Variants in TEX14 observed in about 807,000 individuals in gnomAD.
TEX14 encodes testis expressed 14, intercellular bridge forming factor, also known as inactive serine/threonine-protein kinase TEX14.
In TEX14, 168 loss-of-function variants were observed where a neutral mutation model predicts 178.6. The observed-to-expected ratio is 0.94, with a 90% CI of 0.83 to 1.07. The LOEUF is 1.07. Ranked by LOEUF, TEX14 falls within the 50% of genes least tolerant of loss-of-function variation. The pLI is 0.00. For synonymous variants in TEX14, 626 were observed against 634.1 expected (o/e 0.99, Z 0.19); for missense variants, 1,730 against 1,753.6 (o/e 0.99, Z 0.24).
chr17:58,627,528 T>C (rs1214447471), intron 3 of TEX14, among the ~76,000 whole-genome samples: 2 of 152,104 alleles, frequency 1.3e-5, no homozygotes, highest in Admixed American at 1.3e-4. Context: ...CTCAGCACTT[T>C]GGAAGGCGGA....
Position 58,564,880 on chromosome 17 carries a change from C to G in TEX14, c.4053G>C (p.Glu1351Asp), listed in dbSNP as rs544420789. ...LLSKETEDLGEDTERAHSTLD... is the reference protein window; with the variant it reads ...LLSKETEDLGDDTERAHSTLD... ...GCTTTTCCTGTTACCTCTCTGTGTC[C>G]TCTCCAAGATCTTCAGTTTCTTTGG... The change falls in exon 28 of 32, where the codon GAG (glutamate) becomes GAC (aspartate). Residue 1351 changes from glutamate (E) to aspartate (D), a missense_variant. This residue lies in a region of TEX14 where 941 missense variants were observed against 1,072.4 expected (regional missense o/e 0.88). Coordinates refer to ENST00000349033, the MANE Select transcript of TEX14 (RefSeq NM_031272.5). 26 of 1,592,014 alleles carry G rather than the reference C, an allele frequency of 1.6e-5. No individual in the cohort carries two copies. The highest frequency in any genetic ancestry group is 2.2e-5 in the Non-Finnish European group (26 of 1,166,410).
chr17:58,653,914 G>C (rs1169088990), intron 1 of TEX14, among the ~76,000 whole-genome samples: 1 of 152,154 alleles, frequency 6.6e-6, no homozygotes, highest in African/African-American at 2.4e-5. Context: ...GGGCATGGTG[G>C]CTCATGCCTG....
intron 4 of TEX14, among the ~76,000 whole-genome samples, chr17:58,622,019 C>T (rs563300006): frequency 3.3e-5 from 5 of 152,294 alleles, no homozygotes; most frequent in Non-Finnish European, 7.4e-5. Context: ...AAGGCCAAGA[C>T]GAGTAAAATT....
At chr17:58,671,506 C>T (rs571838632) in intron 1 of TEX14, among the ~76,000 whole-genome samples, 1 of 152,126 alleles carries the variant, frequency 6.6e-6, no homozygotes, top group African/African-American at 2.4e-5. Context: ...CTCCTGGGGT[C>T]GCAGCTTTAT....
intron 2 of TEX14, among the ~76,000 whole-genome samples, chr17:58,648,346 T>G (rs2046760774): frequency 6.6e-6 from 1 of 152,166 alleles, no homozygotes; most frequent in Non-Finnish European, 1.5e-5. Context: ...ACCTGCAGCC[T>G]CTCTGGTTGG....
chr17:58,628,642 G>C (rs894129179), intron 3 of TEX14, among the ~76,000 whole-genome samples: 1 of 151,808 alleles, frequency 6.6e-6, no homozygotes, highest in African/African-American at 2.4e-5. Flanking sequence ...AACCTCGGAG[G>C]CACAGATTGC....
At position 58,556,816 on chromosome 17, in the gene TEX14, A is replaced by G. The variant is rs1255888400; in HGVS notation, c.*195T>C. 6.2e-6 allele frequency: 3 copies of G among 487,436 alleles called. No individual in the cohort carries two copies. The highest frequency in any genetic ancestry group is 1.1e-5 in the Non-Finnish European group (3 of 272,496). 30.2% of individuals were successfully genotyped at this position (487,436 alleles called of 1,614,324 possible). The stretch of plus-strand genomic sequence containing the variant: ...CTACCTCTCACTTTTCAGAAATCTG[A>G]CTGAAAACAAATGGTTGAATGTGCT... On this transcript the variant is annotated 3_prime_UTR_variant, in exon 32 of 32. Transcript: ENST00000349033.
At chr17:58,571,882 T>C (rs186696298) in intron 24 of TEX14, 39 bp downstream of exon 24, 2 of 1,586,092 alleles carry the variant, frequency 1.3e-6, no homozygotes, top group Middle Eastern at 2.0e-4. Flanking sequence ...CCCTTTGGGC[T>C]GACTCCATGA....
At chr17:58,613,745 C>T (rs1441271641) in intron 8 of TEX14, among the ~76,000 whole-genome samples, 1 of 152,150 alleles carries the variant, frequency 6.6e-6, no homozygotes, top group East Asian at 1.9e-4. Flanking sequence ...TGGCTCACTG[C>T]AACCTCCGCC....
At chr17:58,632,953 G>A (rs1190858206) in intron 2 of TEX14, among the ~76,000 whole-genome samples, 1 of 152,140 alleles carries the variant, frequency 6.6e-6, no homozygotes, top group Non-Finnish European at 1.5e-5. Flanking sequence ...CACTTCCGCT[G>A]TTCTTCGTGC....
At chr17:58,594,958 G>A (rs1199666761) in intron 14 of TEX14, among the ~76,000 whole-genome samples, 2 of 152,138 alleles carry the variant, frequency 1.3e-5, no homozygotes, top group African/African-American at 4.8e-5. Context: ...GTAAAAGTGA[G>A]AAGGAGGCAC....
At chr17:58,664,889 AC>A (rs373501911) in intron 1 of TEX14, among the ~76,000 whole-genome samples, 146 of 152,232 alleles carry the variant, frequency 9.6e-4, no homozygotes, top group African/African-American at 3.3e-3. Flanking sequence ...AGATAAGGCC[AC>A]CCTGGGTTCA....
At chr17:58,574,151 A>G in intron 22 of TEX14, 36 bp downstream of exon 22, 1 of 1,553,726 alleles carries the variant, frequency 6.4e-7, no homozygotes, top group Non-Finnish European at 8.9e-7. Context: ...AAGACTTTAC[A>G]CAAGCATCCC....
At chr17:58,667,872 G>A (rs1056312368) in intron 1 of TEX14, among the ~76,000 whole-genome samples, 1 of 148,678 alleles carries the variant, frequency 6.7e-6, no homozygotes, top group East Asian at 2.0e-4. Context: ...CAGCCTGGGC[G>A]ACAGAGTGAG....
intron 1 of TEX14, among the ~76,000 whole-genome samples, chr17:58,673,680 C>A (rs1219488013): frequency 6.6e-6 from 1 of 151,912 alleles, no homozygotes; most frequent in Non-Finnish European, 1.5e-5. Context: ...TCCCACCTCA[C>A]CCTCCCGAGT....
intron 21 of TEX14, among the ~76,000 whole-genome samples, chr17:58,575,661 C>A (rs1465530137): frequency 6.6e-6 from 1 of 152,096 alleles, no homozygotes; most frequent in East Asian, 1.9e-4. Context: ...ACAGCCAGTA[C>A]ACAACTCACC....
chr17:58,602,082 C>T, intron 12 of TEX14, 126 bp from the exon 13 acceptor site: 1 of 945,768 alleles, frequency 1.1e-6, no homozygotes, highest in South Asian at 1.7e-5. Context: ...GACTTTAGTC[C>T]TAATTAACTA....
At chr17:58,647,901 T>G (rs1165815777) in intron 2 of TEX14, 1 of 152,208 alleles carries the variant, frequency 6.6e-6, no homozygotes, top group Non-Finnish European at 1.5e-5. Context: ...TTTCACCATG[T>G]TGGCCAGGCT....
At chr17:58,628,432 G>A (rs1024337611) in intron 3 of TEX14, among the ~76,000 whole-genome samples, 1 of 152,054 alleles carries the variant, frequency 6.6e-6, no homozygotes, top group Non-Finnish European at 1.5e-5. Flanking sequence ...CAAAAATTAG[G>A]CCGGGCGCAG....
Sources: allele counts gnomAD v4.1 joint callset (sites outside exome capture counted in the v4.1 genomes callset), GRCh38; gene constraint gnomAD v4.1.1; regional missense constraint gnomAD v4.1.1; transcripts MANE v1.5; gene names NCBI Gene and HGNC (gene_info 2026-07-23, HGNC 2026-07-21).